ME3: variants seen among roughly 807,000 people sequenced by gnomAD.
The protein encoded by ME3 is malic enzyme 3.
Under a neutral mutation model 68.9 loss-of-function variants are expected in ME3, and 48 were observed. The observed-to-expected ratio is 0.70, with a 90% CI of 0.55 to 0.89. The LOEUF (loss-of-function observed/expected upper bound fraction) is 0.89. Ranked by LOEUF, ME3 falls within the 40% of genes least tolerant of loss-of-function variation. The pLI, the probability that ME3 is intolerant of heterozygous loss-of-function variation, is 0.00. For missense variants in ME3, 675 were observed against 797.4 expected, an observed-to-expected ratio of 0.85 and a Z score of 1.85; for synonymous variants, 320 against 318.8, an observed-to-expected ratio of 1.00 and a Z score of -0.04.
At chr11:86,595,428 G>T (rs1168186852) in intron 2 of ME3, among the ~76,000 whole-genome samples, 1 of 119,660 alleles carries the variant, frequency 8.4e-6, no homozygotes, top group Non-Finnish European at 1.7e-5. Flanking sequence ...TTTGACAGAT[G>T]AAGAGACTGA....
At chr11:86,463,310 G>T (rs766835882) in intron 8 of ME3, among the ~76,000 whole-genome samples, 14 of 152,178 alleles carry the variant, frequency 9.2e-5, no homozygotes, top group Non-Finnish European at 1.6e-4. Flanking sequence ...TCAGGGGACT[G>T]GCTGTCCTGC....
intron 4 of ME3, among the ~76,000 whole-genome samples, chr11:86,552,156 A>C (rs1406633302): frequency 1.3e-5 from 2 of 152,178 alleles, no homozygotes; most frequent in Non-Finnish European, 1.5e-5. Flanking sequence ...TTGGAATCTC[A>C]TTGAATCCTC....
At position 86,448,142 on chromosome 11, in the gene ME3, C is replaced by T; in HGVS notation, c.1237+8G>A. 1 of 1,602,880 alleles carries T rather than the reference C, an allele frequency of 6.2e-7. No individual in the cohort carries two copies. The highest frequency in any genetic ancestry group is 1.3e-5 in the African/African-American group (1 of 74,786). ...GGGCTGGGTAGTGGGTACCCTCCCT[C>T]CTCCTACCTATGATGGCTGTGGGCT... On this transcript the variant is annotated splice_region_variant and intron_variant, in intron 11 of 14. Transcript: ENST00000543262.
At chr11:86,526,808 A>C (rs1954790343) in intron 4 of ME3, among the ~76,000 whole-genome samples, 1 of 152,220 alleles carries the variant, frequency 6.6e-6, no homozygotes, top group South Asian at 2.1e-4. Flanking sequence ...TGAGGGTCCT[A>C]ACTGTTAGAA....
rs148576099 is a variant in ME3, at chr11:86,642,253, A to G, written c.183+29509T>C. Among the ~76,000 whole-genome samples the G allele has an allele frequency of 9.1e-3, 1,393 of 152,326 alleles. 27 individuals carry two copies. The highest frequency in any genetic ancestry group is 0.031 in the African/African-American group (1,297 of 41,558). On this transcript the variant is annotated intron_variant, in intron 2 of 14. Transcript: ENST00000543262. ...TAATGTAGGAAATTATCGGTTTTCC[A>G]TGGGACTAAGAAAAAGAAGGAAGTC...
chr11:86,506,631 G>A (rs638041), intron 5 of ME3, among the ~76,000 whole-genome samples: 140,414 of 152,210 alleles, frequency 0.92, 64,896 homozygotes, highest in Non-Finnish European at 0.95. Context: ...AGCACCGAAA[G>A]TATTAGTGGA....
At chr11:86,663,485 G>C (rs1946407307) in intron 2 of ME3, among the ~76,000 whole-genome samples, 1 of 152,174 alleles carries the variant, frequency 6.6e-6, no homozygotes, top group Non-Finnish European at 1.5e-5. Context: ...AGCATCTTTT[G>C]TGCTCTGCAT....
At chr11:86,662,435 A>ATTT (rs560067030) in intron 2 of ME3, among the ~76,000 whole-genome samples, 1,800 of 150,076 alleles carry the variant, frequency 0.012, 39 homozygotes, top group African/African-American at 0.041. Flanking sequence ...CAGAAAATTA[A>ATTT]TTTTTTTTTT....
intron 4 of ME3, among the ~76,000 whole-genome samples, chr11:86,509,758 A>C (rs1338062485): frequency 2.3e-4 from 1 of 4,354 alleles, no homozygotes; most frequent in East Asian, 2.8e-3. Flanking sequence ...GGGATTGGCA[A>C]AAAAAAAAAA....
At chr11:86,547,796 C>T (rs543104629) in intron 4 of ME3, among the ~76,000 whole-genome samples, 15 of 152,268 alleles carry the variant, frequency 9.9e-5, no homozygotes, top group Admixed American at 3.3e-4. Flanking sequence ...CTTATATGTA[C>T]GTATTTCCTT....
chr11:86,547,181 T>A (rs1393422309), intron 4 of ME3, among the ~76,000 whole-genome samples: 1 of 126,704 alleles, frequency 7.9e-6, no homozygotes, highest in Non-Finnish European at 1.6e-5. Flanking sequence ...GAGCTTGCAG[T>A]GAACCCAGAT....
intron 7 of ME3, among the ~76,000 whole-genome samples, chr11:86,471,731 A>C (rs1950793309): frequency 6.6e-6 from 1 of 152,244 alleles, no homozygotes; most frequent in Non-Finnish European, 1.5e-5. Context: ...CAAGAGGCTA[A>C]GGTGGGAAGA....
At chr11:86,527,071 T>C (rs568103630) in intron 4 of ME3, among the ~76,000 whole-genome samples, 50 of 152,274 alleles carry the variant, frequency 3.3e-4, no homozygotes, top group Admixed American at 3.1e-3. Context: ...TACTCTGAGC[T>C]AAAGGAGGAA....
intron 2 of ME3, among the ~76,000 whole-genome samples, chr11:86,641,043 G>T (rs541772308): frequency 2.0e-5 from 3 of 151,032 alleles, no homozygotes; most frequent in African/African-American, 4.9e-5. Context: ...CACTGGGGGG[G>T]GGGGTCAATG....
intron 4 of ME3, among the ~76,000 whole-genome samples, chr11:86,528,117 C>T (rs571499306): frequency 5.3e-5 from 8 of 152,234 alleles, no homozygotes; most frequent in South Asian, 2.1e-4. Context: ...ACCCATCTCA[C>T]GTGCATAGAC....
At chr11:86,606,847 C>G (rs958137700) in intron 2 of ME3, among the ~76,000 whole-genome samples, 1 of 152,134 alleles carries the variant, frequency 6.6e-6, no homozygotes, top group African/African-American at 2.4e-5. Flanking sequence ...TTTAATCATT[C>G]CTACTTCTTT....
At chr11:86,459,816 GC>G (rs1950141375) in intron 8 of ME3, among the ~76,000 whole-genome samples, 1 of 152,254 alleles carries the variant, frequency 6.6e-6, no homozygotes. Flanking sequence ...ACACACAGGA[GC>G]CTTTATGGGC....
At chr11:86,453,326 C>T (rs2138645460) in intron 8 of ME3, among the ~76,000 whole-genome samples, 1 of 152,282 alleles carries the variant, frequency 6.6e-6, no homozygotes, top group East Asian at 1.9e-4. Flanking sequence ...TGTGGAAGTA[C>T]ACATGTGCCA....
At chr11:86,615,694 G>A (rs1440962911) in intron 2 of ME3, among the ~76,000 whole-genome samples, 3 of 152,122 alleles carry the variant, frequency 2.0e-5, no homozygotes, top group Non-Finnish European at 2.9e-5. Flanking sequence ...TAGCAGTGAA[G>A]CACCTCCTTC....
Sources: gnomAD v4.1 joint callset for allele counts (sites outside exome capture counted in the v4.1 genomes callset) on GRCh38, gnomAD v4.1.1 for gene constraint, MANE v1.5 for transcripts, NCBI Gene and HGNC (gene_info 2026-07-23, HGNC 2026-07-21) for gene names.